Variants in SAMMSON observed in about 807,000 individuals in gnomAD.
The protein encoded by SAMMSON is long intergenic non-protein coding RNA 1212.
chr3:70,049,327 T>C (rs576628388), intron 3 of SAMMSON, among the ~76,000 whole-genome samples: 1 of 152,256 alleles, frequency 6.6e-6, no homozygotes, highest in African/African-American at 2.4e-5. Context: ...CAGGAAAGGC[T>C]ACCCAGAGGA....
At chr3:70,087,849 A>G (rs2067291416) in intron 4 of SAMMSON, among the ~76,000 whole-genome samples, 1 of 152,216 alleles carries the variant, frequency 6.6e-6, no homozygotes, top group African/African-American at 2.4e-5. Flanking sequence ...TTATAAATAA[A>G]TATAAATAAA....
intron 6 of SAMMSON, among the ~76,000 whole-genome samples, chr3:70,286,350 T>C (rs1333330176): frequency 2.6e-5 from 4 of 152,170 alleles, no homozygotes; most frequent in African/African-American, 9.7e-5. Context: ...GTCAGGTTTG[T>C]CAAAGATCAG....
intron 4 of SAMMSON, among the ~76,000 whole-genome samples, chr3:70,238,154 G>C (rs1214329416): frequency 6.6e-6 from 1 of 151,812 alleles, no homozygotes; most frequent in African/African-American, 2.4e-5. Flanking sequence ...AGCCACAGCA[G>C]CTTGTTCTAG....
rs1700937379 is a variant in SAMMSON, at chr3:70,170,774, A to C, written n.508-78333A>C. Among the ~76,000 whole-genome samples the C allele has an allele frequency of 2.0e-5, 3 of 151,872 alleles. No homozygotes were observed. The Admixed American group carries it at 2.0e-4, about 10-fold the overall frequency. On this transcript the variant is annotated intron_variant and non_coding_transcript_variant, in intron 4 of 9. Transcript: ENST00000642114. ...TTCTCAGAAGTCTTGGCATTTTCCA[A>C]ATAGAAGGGAAAATCAAATAAGAAA...
intron 1 of SAMMSON, among the ~76,000 whole-genome samples, chr3:70,010,292 C>T (rs1190240424): frequency 6.6e-6 from 1 of 152,064 alleles, no homozygotes; most frequent in Non-Finnish European, 1.5e-5. Flanking sequence ...TTCTAGATCT[C>T]TAAGAACTTG....
chr3:70,411,626 A>G (rs544435562), intron 2 of SAMMSON, among the ~76,000 whole-genome samples: 1 of 152,232 alleles, frequency 6.6e-6, no homozygotes, highest in South Asian at 2.1e-4. Flanking sequence ...GTGGGAGGTA[A>G]TTGAATCATG....
At chr3:70,040,111 T>A (rs1183315977) in intron 3 of SAMMSON, among the ~76,000 whole-genome samples, 5 of 152,118 alleles carry the variant, frequency 3.3e-5, no homozygotes, top group Non-Finnish European at 7.4e-5. Flanking sequence ...GAGCAACATT[T>A]GCACATGTAA....
At chr3:70,162,881 A>G (rs1436532601) in intron 4 of SAMMSON, among the ~76,000 whole-genome samples, 2 of 152,002 alleles carry the variant, frequency 1.3e-5, no homozygotes, top group Non-Finnish European at 1.5e-5. Flanking sequence ...GTTTATCATT[A>G]TAAAATGTTC....
At chr3:70,329,186 A>G (rs9836358) in intron 7 of SAMMSON, among the ~76,000 whole-genome samples, 2,020 of 152,222 alleles carry the variant, frequency 0.013, 30 homozygotes, top group African/African-American at 0.045. Flanking sequence ...AAAGTATAGA[A>G]CTCAAGTGTG....
chr3:70,423,649 T>G (rs2193553), intron 2 of SAMMSON, among the ~76,000 whole-genome samples: 36,323 of 152,076 alleles, frequency 0.24, 4,448 homozygotes, highest in East Asian at 0.32. Flanking sequence ...GTAATTAACA[T>G]TTTCCTCTTT....
intron 3 of SAMMSON, among the ~76,000 whole-genome samples, chr3:70,022,816 C>G (rs1431740403): frequency 6.6e-6 from 1 of 152,108 alleles, no homozygotes; most frequent in African/African-American, 2.4e-5. Context: ...CATTTTGAAA[C>G]AAAATATTAG....
chr3:70,040,865 T>A (rs137913540), intron 3 of SAMMSON, among the ~76,000 whole-genome samples: 1 of 152,172 alleles, frequency 6.6e-6, no homozygotes, highest in Admixed American at 6.5e-5. Context: ...ACTGAAAAGG[T>A]CATAAATGGA....
chr3:70,218,807 T>G (rs902465689), intron 4 of SAMMSON, among the ~76,000 whole-genome samples: 1 of 152,198 alleles, frequency 6.6e-6, no homozygotes. Context: ...GTGCATTGAC[T>G]GTGCTTGGCG....
chr3:70,372,894 G>A (rs1419591678), intron 9 of SAMMSON, among the ~76,000 whole-genome samples: 1 of 152,000 alleles, frequency 6.6e-6, no homozygotes, highest in South Asian at 2.1e-4. Flanking sequence ...TCCTATTCAA[G>A]TGAAATTTAG....
At chr3:70,285,183 A>C (rs1702131047) in intron 6 of SAMMSON, among the ~76,000 whole-genome samples, 1 of 146,962 alleles carries the variant, frequency 6.8e-6, no homozygotes, top group Non-Finnish European at 1.5e-5. Context: ...CATTAGGTAT[A>C]CCTCCCAATG....
At chr3:70,218,397 G>T (rs770861979) in intron 4 of SAMMSON, among the ~76,000 whole-genome samples, 1 of 152,066 alleles carries the variant, frequency 6.6e-6, no homozygotes, top group Non-Finnish European at 1.5e-5. Context: ...TACTAGTAAA[G>T]GTTTATAAGC....
At chr3:70,372,185 G>T (rs1383739111) in intron 9 of SAMMSON, among the ~76,000 whole-genome samples, 3 of 151,894 alleles carry the variant, frequency 2.0e-5, no homozygotes, top group Non-Finnish European at 2.9e-5. Context: ...TCATGAATAG[G>T]TTGAATTTTA....
At chr3:70,428,083 C>G (rs541392770) in intron 2 of SAMMSON, among the ~76,000 whole-genome samples, 1 of 151,724 alleles carries the variant, frequency 6.6e-6, no homozygotes, top group Non-Finnish European at 1.5e-5. Context: ...TAAAATACTG[C>G]GGAAAGAAAT....
At chr3:70,144,239 T>C (rs1449903217) in intron 4 of SAMMSON, among the ~76,000 whole-genome samples, 2 of 152,112 alleles carry the variant, frequency 1.3e-5, no homozygotes, top group Non-Finnish European at 2.9e-5. Flanking sequence ...AGGCAGCAAA[T>C]TGGCAAATTG....
Sources: gnomAD v4.1 joint callset for allele counts (sites outside exome capture counted in the v4.1 genomes callset) on GRCh38, gnomAD v4.1.1 for gene constraint, MANE v1.5 for transcripts, NCBI Gene and HGNC (gene_info 2026-07-23, HGNC 2026-07-21) for gene names.